The following NCKAP5 variants were observed in gnomAD, a reference collection of about 807,000 sequenced individuals.
NCKAP5 encodes nck-associated protein 5.
Under a neutral mutation model 167.0 loss-of-function variants are expected in NCKAP5, and 92 were observed. That is an observed-to-expected ratio of 0.55 (90% CI 0.47 to 0.66). The LOEUF (loss-of-function observed/expected upper bound fraction) is 0.66. Among genes scored for constraint, NCKAP5 ranks in the 30% least tolerant of loss-of-function variants. The pLI, the probability that NCKAP5 is intolerant of heterozygous loss-of-function variation, is 0.00. For synonymous variants in NCKAP5, 891 were observed against 877.4 expected (o/e 1.02, Z -0.27); for missense variants, 2,378 against 2,315.0 (o/e 1.03, Z -0.56).
chr2:133,335,075 C>A (rs75816948), intron 3 of NCKAP5, among the ~76,000 whole-genome samples: 1 of 152,144 alleles, frequency 6.6e-6, no homozygotes, highest in Non-Finnish European at 1.5e-5. Flanking sequence ...AAGTTTCACA[C>A]GGCCCAGTGG....
intron 3 of NCKAP5, among the ~76,000 whole-genome samples, chr2:133,425,227 G>A (rs1203116743): frequency 5.3e-5 from 8 of 152,208 alleles, no homozygotes; most frequent in South Asian, 2.1e-4. Context: ...AAACATTATC[G>A]CACAGGTGAA....
chr2:133,269,426 A>C (rs1323783651), intron 4 of NCKAP5, among the ~76,000 whole-genome samples: 3 of 152,212 alleles, frequency 2.0e-5, no homozygotes, highest in African/African-American at 7.2e-5. Context: ...GAGAATGCTA[A>C]GCCTGAATGA....
intron 6 of NCKAP5, among the ~76,000 whole-genome samples, chr2:133,020,309 C>A (rs554743121): frequency 3.7e-4 from 56 of 152,264 alleles, no homozygotes; most frequent in African/African-American, 1.3e-3. Flanking sequence ...GTTTACCTAA[C>A]AAAAGAGGTG....
chr2:133,383,703 T>C (rs888564313), intron 3 of NCKAP5, among the ~76,000 whole-genome samples: 1 of 152,200 alleles, frequency 6.6e-6, no homozygotes, highest in African/African-American at 2.4e-5. Flanking sequence ...TGTTCCTATT[T>C]CTCCACATCC....
chr2:133,031,550 G>T (rs1481130739), intron 6 of NCKAP5, among the ~76,000 whole-genome samples: 1 of 152,104 alleles, frequency 6.6e-6, no homozygotes, highest in Non-Finnish European at 1.5e-5. Context: ...ACTTTTAGGT[G>T]AGTCCTGGTG....
chr2:132,957,898 A>G (rs1316196177), intron 8 of NCKAP5, among the ~76,000 whole-genome samples: 1 of 152,196 alleles, frequency 6.6e-6, no homozygotes, highest in Non-Finnish European at 1.5e-5. Context: ...GTCTATTACC[A>G]TTAGATCATA....
intron 2 of NCKAP5, among the ~76,000 whole-genome samples, chr2:133,538,897 GTT>G (rs144698429): frequency 1.1e-4 from 14 of 123,034 alleles, no homozygotes; most frequent in South Asian, 5.5e-4. Flanking sequence ...GATGTACCTA[GTT>G]TTTTTTTGGT....
At chr2:133,393,935 C>T (rs960074931) in intron 3 of NCKAP5, among the ~76,000 whole-genome samples, 1 of 152,190 alleles carries the variant, frequency 6.6e-6, no homozygotes, top group African/African-American at 2.4e-5. Context: ...CTGCTAGAAA[C>T]CATGACAAAA....
chr2:133,130,234 C>T lies in NCKAP5; in HGVS notation c.208-123G>A, dbSNP rs550259221. 202 of 1,033,672 alleles carry T rather than the reference C, an allele frequency of 2.0e-4. 1 individual carries two copies. In the East Asian group the frequency reaches 4.9e-3, roughly 25 times the overall value. 64.0% of individuals were successfully genotyped at this position (1,033,672 alleles called of 1,614,324 possible). ...GAATTTCATCCTTTGAACAACCCCA[C>T]GAAGTAGGTCCTATTCTTAATCTCT... On this transcript the variant is annotated intron_variant, in intron 5 of 19. Coordinates refer to ENST00000409261, the MANE Select transcript of NCKAP5 (RefSeq NM_207363.3).
chr2:133,547,504 G>T (rs1181035908), intron 2 of NCKAP5, among the ~76,000 whole-genome samples: 22 of 152,134 alleles, frequency 1.4e-4, no homozygotes, highest in African/African-American at 5.3e-4. Flanking sequence ...GAGAGCAGTG[G>T]TTCTCCCAGC....
chr2:133,634,706 C>T, the NCKAP5 span, among the ~76,000 whole-genome samples: 36 of 151,988 alleles, frequency 2.4e-4, no homozygotes, highest in Non-Finnish European at 4.1e-4. Context: ...CATAGGATTG[C>T]CTGGTACAAT....
chr2:132,893,744 C>T (rs1692911798), intron 8 of NCKAP5, among the ~76,000 whole-genome samples: 1 of 152,152 alleles, frequency 6.6e-6, no homozygotes, highest in Non-Finnish European at 1.5e-5. Flanking sequence ...GACAGGAGCC[C>T]ATGGGGTGCC....
chr2:133,380,220 T>A (rs1364601693), intron 3 of NCKAP5, among the ~76,000 whole-genome samples: 1 of 152,190 alleles, frequency 6.6e-6, no homozygotes, highest in East Asian at 1.9e-4. Context: ...TTCAAACTGT[T>A]TATAACAGTG....
intron 3 of NCKAP5, among the ~76,000 whole-genome samples, chr2:133,500,428 G>A (rs958679697): frequency 6.6e-6 from 1 of 152,174 alleles, no homozygotes; most frequent in Non-Finnish European, 1.5e-5. Flanking sequence ...TCTTTCTGCT[G>A]CAGCATTTTG....
At position 133,137,787 on chromosome 2, in the gene NCKAP5, T is replaced by C. The variant is rs146784414; in HGVS notation, c.208-7676A>G. 6.1e-3 allele frequency among the ~76,000 whole-genome samples: 936 copies of C among 152,260 alleles called. 3 individuals are homozygous for C. The highest frequency in any genetic ancestry group is 0.021 in the African/African-American group (878 of 41,570). On this transcript the variant is annotated intron_variant, in intron 5 of 19. Transcript: ENST00000409261. ...AATACCGCTCAAAATCCTAAGGAAA[T>C]TGAACACTCGAACAAAGGATTCTTA...
chr2:132,889,721 T>C (rs1692535720), intron 8 of NCKAP5, among the ~76,000 whole-genome samples: 1 of 152,194 alleles, frequency 6.6e-6, no homozygotes, highest in South Asian at 2.1e-4. Context: ...AAAAAGCACA[T>C]TATTCAACCA....
intron 3 of NCKAP5, among the ~76,000 whole-genome samples, chr2:133,341,249 A>C (rs1469848525): frequency 2.6e-5 from 4 of 151,644 alleles, no homozygotes; most frequent in African/African-American, 9.7e-5. Context: ...CAGACACAGC[A>C]CCTATCTTTG....
At chr2:133,478,511 C>G (rs1680143067) in intron 3 of NCKAP5, among the ~76,000 whole-genome samples, 1 of 152,114 alleles carries the variant, frequency 6.6e-6, no homozygotes, top group East Asian at 1.9e-4. Flanking sequence ...AATCATGTCT[C>G]CTGCCCTGAC....
At chr2:133,584,971 A>AAGGG in the NCKAP5 span, among the ~76,000 whole-genome samples, 9 of 150,102 alleles carry the variant, frequency 6.0e-5, no homozygotes, top group African/African-American at 7.3e-5. Flanking sequence ...GGAAGGAAGG[A>AAGGG]AGGAAGGAAG....
Sources: allele counts gnomAD v4.1 joint callset (sites outside exome capture counted in the v4.1 genomes callset), GRCh38; gene constraint gnomAD v4.1.1; transcripts MANE v1.5; gene names NCBI Gene and HGNC (gene_info 2026-07-23, HGNC 2026-07-21).